Variants in SETBP1 observed in about 807,000 individuals in gnomAD.
SETBP1 encodes SET-binding protein.
A neutral mutation model predicts 101.0 loss-of-function variants in SETBP1; 9 were observed. The observed-to-expected ratio is 0.09, with a 90% CI of 0.05 to 0.16. SETBP1 has a LOEUF of 0.16. SETBP1 is among the 10% of genes least tolerant of loss of function. The pLI is 1.00. For missense variants in SETBP1, 1,858 were observed against 2,033.8 expected, an observed-to-expected ratio of 0.91 and a Z score of 1.66; for synonymous variants, 818 against 788.5, an observed-to-expected ratio of 1.04 and a Z score of -0.63.
chr18:44,995,902 C>G (rs964912466), intron 4 of SETBP1, among the ~76,000 whole-genome samples: 2 of 152,236 alleles, frequency 1.3e-5, no homozygotes, highest in Non-Finnish European at 2.9e-5. Context: ...CATCTCCCAA[C>G]ACCGTTACAA....
At chr18:44,755,434 A>G (rs139306385) in intron 2 of SETBP1, among the ~76,000 whole-genome samples, 61 of 152,144 alleles carry the variant, frequency 4.0e-4, no homozygotes, top group African/African-American at 1.2e-3. Context: ...GAGGAGGAAC[A>G]GAGATACTCA....
intron 4 of SETBP1, among the ~76,000 whole-genome samples, chr18:44,975,324 T>C (rs1599398725): frequency 6.6e-6 from 1 of 152,358 alleles, no homozygotes; most frequent in South Asian, 2.1e-4. Flanking sequence ...ACTACTTACA[T>C]AGAGATGGAA....
intron 3 of SETBP1, among the ~76,000 whole-genome samples, chr18:44,913,778 A>G (rs933306778): frequency 1.3e-5 from 2 of 152,246 alleles, no homozygotes; most frequent in Non-Finnish European, 2.9e-5. Flanking sequence ...TCTCTCAGGC[A>G]TCTTTGAATG....
chr18:45,026,162 T>C (rs1237136370), intron 4 of SETBP1, among the ~76,000 whole-genome samples: 1 of 152,252 alleles, frequency 6.6e-6, no homozygotes, highest in African/African-American at 2.4e-5. Flanking sequence ...TAGAGAAGAA[T>C]CTTCTAGAGA....
At chr18:44,921,939 G>A (rs985963604) in intron 3 of SETBP1, among the ~76,000 whole-genome samples, 1 of 152,172 alleles carries the variant, frequency 6.6e-6, no homozygotes, top group African/African-American at 2.4e-5. Context: ...AGGATCTTTT[G>A]TGATGAGAGT....
At chr18:45,036,902 C>T (rs546459532) in intron 4 of SETBP1, among the ~76,000 whole-genome samples, 1 of 152,302 alleles carries the variant, frequency 6.6e-6, no homozygotes, top group African/African-American at 2.4e-5. Context: ...GTCCGGCTAC[C>T]TGGAAACTTC....
chr18:45,031,587 A>G (rs1444673684), intron 4 of SETBP1, among the ~76,000 whole-genome samples: 1 of 152,178 alleles, frequency 6.6e-6, no homozygotes, highest in East Asian at 1.9e-4. Context: ...GGAGTTTAAG[A>G]ATAGAGGAAT....
chr18:44,970,770 C>A (rs1235628432), intron 4 of SETBP1, among the ~76,000 whole-genome samples: 1 of 151,962 alleles, frequency 6.6e-6, no homozygotes, highest in Non-Finnish European at 1.5e-5. Flanking sequence ...AGGCTGGTCT[C>A]GAACTCCTGA....
intron 2 of SETBP1, among the ~76,000 whole-genome samples, chr18:44,721,369 GT>G (rs2069591819): frequency 6.6e-6 from 1 of 152,162 alleles, no homozygotes; most frequent in Non-Finnish European, 1.5e-5. Context: ...TGCATCAAGT[GT>G]TTCTTCCTTT....
intron 2 of SETBP1, among the ~76,000 whole-genome samples, chr18:44,809,476 G>C (rs2144819568): frequency 6.6e-6 from 1 of 152,284 alleles, no homozygotes; most frequent in Non-Finnish European, 1.5e-5. Flanking sequence ...AAATTCATCT[G>C]AAATCCTGAA....
At chr18:44,812,565 G>A (rs2071886267) in intron 2 of SETBP1, among the ~76,000 whole-genome samples, 1 of 152,126 alleles carries the variant, frequency 6.6e-6, no homozygotes, top group Non-Finnish European at 1.5e-5. Context: ...GGTTTGGCAT[G>A]GAGCACTGTC....
At chr18:45,053,220 G>C (rs544481897) in intron 5 of SETBP1, among the ~76,000 whole-genome samples, 1 of 151,988 alleles carries the variant, frequency 6.6e-6, no homozygotes, top group Admixed American at 6.5e-5. Flanking sequence ...CAATTTTTCT[G>C]TACTAACCAC....
intron 3 of SETBP1, among the ~76,000 whole-genome samples, chr18:44,921,534 C>T (rs2070579382): frequency 6.6e-6 from 1 of 152,196 alleles, no homozygotes; most frequent in Non-Finnish European, 1.5e-5. Flanking sequence ...GGGGGAGACC[C>T]ATAATCAAAA....
intron 2 of SETBP1, among the ~76,000 whole-genome samples, chr18:44,799,019 CT>C (rs939069808): frequency 1.3e-5 from 2 of 152,098 alleles, no homozygotes; most frequent in African/African-American, 4.8e-5. Flanking sequence ...CAATTATTTG[CT>C]TGTGTTTATT....
chr18:44,822,165 A>T (rs771887583), intron 2 of SETBP1, among the ~76,000 whole-genome samples: 1 of 152,206 alleles, frequency 6.6e-6, no homozygotes, highest in Non-Finnish European at 1.5e-5. Context: ...CACGAATTCC[A>T]TGTCTGATTT....
chr18:45,050,779 C>T (rs2073708375), intron 5 of SETBP1, among the ~76,000 whole-genome samples: 1 of 152,182 alleles, frequency 6.6e-6, no homozygotes, highest in South Asian at 2.1e-4. Context: ...CTAATACTAC[C>T]TATAAATTCA....
At chr18:45,006,024 G>C (rs985458787) in intron 4 of SETBP1, among the ~76,000 whole-genome samples, 1 of 137,792 alleles carries the variant, frequency 7.3e-6, no homozygotes, top group African/African-American at 2.8e-5. Flanking sequence ...CATGATCTCA[G>C]CTCACTGCAA....
chr18:45,025,024 C>A (rs2073137851), intron 4 of SETBP1, among the ~76,000 whole-genome samples: 1 of 152,162 alleles, frequency 6.6e-6, no homozygotes, highest in African/African-American at 2.4e-5. Context: ...TGTAAGAGTT[C>A]TTTTAGATCA....
intron 3 of SETBP1, among the ~76,000 whole-genome samples, chr18:44,928,176 G>A (rs562586291): frequency 4.3e-4 from 66 of 152,238 alleles, no homozygotes; most frequent in Admixed American, 2.7e-3. Flanking sequence ...GAGAACATGC[G>A]GTGTTTGGTT....
Sources: gnomAD v4.1 joint callset for allele counts (sites outside exome capture counted in the v4.1 genomes callset) on GRCh38, gnomAD v4.1.1 for gene constraint, MANE v1.5 for transcripts, NCBI Gene and HGNC (gene_info 2026-07-23, HGNC 2026-07-21) for gene names.